The following NMT1 variants were observed in gnomAD, a reference collection of about 807,000 sequenced individuals.
NMT1 encodes the protein N-myristoyltransferase 1, also known as glycylpeptide N-tetradecanoyltransferase 1.
NMT1 carries 12 observed loss-of-function variants against 63.4 expected under a neutral mutation model. That is an observed-to-expected ratio of 0.19 (90% confidence interval 0.12 to 0.31). The LOEUF (loss-of-function observed/expected upper bound fraction) is 0.31, where lower values mean the gene tolerates loss of function less well. Ranked by LOEUF, NMT1 falls within the 10% of genes least tolerant of loss-of-function variation. The pLI is 1.00. For missense variants in NMT1, 432 were observed against 634.6 expected (o/e 0.68, Z 3.43); for synonymous variants, 228 against 234.3 (o/e 0.97, Z 0.25).
At chr17:45,066,220 AT>A (rs2053901886) in intron 1 of NMT1, among the ~76,000 whole-genome samples, 1 of 151,602 alleles carries the variant, frequency 6.6e-6, no homozygotes, top group Non-Finnish European at 1.5e-5. Context: ...CACCCGGCTA[AT>A]TTTTCATATT....
chr17:45,088,137 G>A (rs1328189590), intron 3 of NMT1, among the ~76,000 whole-genome samples: 3 of 152,208 alleles, frequency 2.0e-5, no homozygotes, highest in African/African-American at 7.2e-5. Flanking sequence ...GACAAGAGGG[G>A]TGCTGATTCC....
chr17:45,081,842 G>T, intron 2 of NMT1, 90 bp downstream of exon 2: 2 of 951,072 alleles, frequency 2.1e-6, no homozygotes. Flanking sequence ...TTGGATTGAC[G>T]TTCTCCACTG....
chr17:45,103,045 C>G lies in NMT1; in HGVS notation c.1088C>G (p.Thr363Arg). The change falls in exon 9 of 12, where the codon ACG becomes AGG. Residue 363 changes from threonine to arginine, a missense_variant. Thr to Arg is a moderately conservative substitution (Grantham distance 71). This residue lies in a region of NMT1 where 295 missense variants were observed against 489.7 expected (regional missense o/e 0.60). Transcript: ENST00000258960. The surrounding 1 kb of genome is among the most constrained non-coding windows in gnomAD (Gnocchi z 4.8). Reference sequence around the variant, plus strand: ...AGGTACTTGAAGCAATTTCACCTTACGCCCGTCATGAGCCAGGAGGAGGTG... The same window carrying G: ...AGGTACTTGAAGCAATTTCACCTTAGGCCCGTCATGAGCCAGGAGGAGGTG... Reference protein sequence around the residue: ...LTRYLKQFHLTPVMSQEEVEH... With the variant: ...LTRYLKQFHLRPVMSQEEVEH... 1 of 1,614,080 alleles carries G rather than the reference C, an allele frequency of 6.2e-7. No individual in the cohort carries two copies. Among genetic ancestry groups the G allele is most frequent in the Non-Finnish European group, 8.5e-7 (1 of 1,179,964 alleles).
rs550019625 is a variant in NMT1 at position 45,093,113 on chromosome 17, A to AT, written c.386-570dup. Among the ~76,000 whole-genome samples the AT allele has an allele frequency of 2.9e-3, 437 of 151,118 alleles. 1 individual carries two copies. The highest frequency in any genetic ancestry group is 9.7e-3 in the African/African-American group (397 of 41,118). On this transcript the variant is annotated intron_variant, in intron 3 of 11. Coordinates refer to ENST00000258960, the MANE Select transcript of NMT1 (RefSeq NM_021079.5). ...CCGGCAGCACTATGTAGACTTGGTG[A>AT]TTCAGCCCAAAGGCACTTGCAGGAC...
intron 1 of NMT1, chr17:45,061,996 G>A (rs1322688061): frequency 1.3e-5 from 2 of 152,380 alleles, no homozygotes; most frequent in African/African-American, 4.8e-5. Flanking sequence ...TTAACGGTAT[G>A]GTAATGCTTT....
intron 8 of NMT1, 107 bp downstream of exon 8, chr17:45,099,620 G>A (rs2054148459): frequency 2.6e-6 from 2 of 771,300 alleles, no homozygotes; most frequent in South Asian, 3.0e-5. Context: ...TTCTCCTACT[G>A]GAAAAGCGAA....
intron 3 of NMT1, among the ~76,000 whole-genome samples, chr17:45,089,122 G>A (rs1047356539): frequency 8.5e-5 from 13 of 152,342 alleles, no homozygotes; most frequent in Admixed American, 6.5e-4. Flanking sequence ...CTTGGCAGGC[G>A]TGTTAGCCTG....
intron 3 of NMT1, among the ~76,000 whole-genome samples, chr17:45,093,105 A>G (rs1051118499): frequency 2.0e-5 from 3 of 151,942 alleles, no homozygotes; most frequent in African/African-American, 7.3e-5. Flanking sequence ...CACTATGTAG[A>G]CTTGGTGATT....
chr17:45,105,506 A>G lies in NMT1; in HGVS notation c.1471-113A>G. The G allele has an allele frequency of 8.6e-7, 1 of 1,163,076 alleles. No homozygotes were observed. The highest frequency in any genetic ancestry group is 1.3e-6 in the Non-Finnish European group (1 of 780,080). 72.0% of individuals were successfully genotyped at this position (1,163,076 alleles called of 1,614,324 possible). A position where few individuals can be genotyped will look rare whatever the true frequency, so the allele number is the denominator to read the frequency against. On this transcript the variant is annotated intron_variant, in intron 11 of 11. Transcript: ENST00000258960. The surrounding 1 kb of genome is among the most constrained non-coding windows in gnomAD (Gnocchi z 4.2). The stretch of plus-strand genomic sequence containing the variant: ...CGGCTGGGTGTGAGTCTGCTCCCAC[A>G]GCACAGGCGGTGGACCCGGGCCCAG...
intron 1 of NMT1, among the ~76,000 whole-genome samples, chr17:45,077,310 A>C (rs1321712685): frequency 6.6e-6 from 1 of 152,302 alleles, no homozygotes; most frequent in Middle Eastern, 3.4e-3. Context: ...TTTGTTCCAT[A>C]AGCTGTTATG....
chr17:45,100,292 C>A (rs926942134), intron 8 of NMT1, among the ~76,000 whole-genome samples: 4 of 151,982 alleles, frequency 2.6e-5, no homozygotes, highest in Admixed American at 6.5e-5. Context: ...TGCTGCCAGG[C>A]GCAGTGGCTC....
At chr17:45,097,090 C>G in intron 5 of NMT1, 38 bp from the exon 6 acceptor site, 1 of 1,571,914 alleles carries the variant, frequency 6.4e-7, no homozygotes, top group South Asian at 1.1e-5. Context: ...TCCAGCCTGC[C>G]GGCAAGCAGC....
chr17:45,088,205 AGCCCTCC>A (rs2054066781), intron 3 of NMT1, among the ~76,000 whole-genome samples: 1 of 152,152 alleles, frequency 6.6e-6, no homozygotes, highest in Admixed American at 6.5e-5. Context: ...CCACTGGCTA[AGCCCTCC>A]AGCAAGGCTT....
chr17:45,068,923 T>C (rs535430703), intron 1 of NMT1, among the ~76,000 whole-genome samples: 2 of 151,844 alleles, frequency 1.3e-5, no homozygotes, highest in South Asian at 4.2e-4. Flanking sequence ...CTGGGATTAT[T>C]ACAGGCGTGA....
intron 1 of NMT1, among the ~76,000 whole-genome samples, chr17:45,079,537 CCT>C (rs1356161415): frequency 2.0e-5 from 3 of 152,114 alleles, no homozygotes; most frequent in Admixed American, 2.0e-4. Flanking sequence ...TAGGGAGACC[CCT>C]GTCTCTATTT....
At chr17:45,096,448 A>C (rs1288230666) in intron 5 of NMT1, among the ~76,000 whole-genome samples, 163 bp downstream of exon 5, 1 of 152,240 alleles carries the variant, frequency 6.6e-6, no homozygotes, top group Non-Finnish European at 1.5e-5. Context: ...TTTCATTAGC[A>C]CTTAGAATTG....
chr17:45,102,512 C>CT lies in NMT1; in HGVS notation c.994-438dup, dbSNP rs532260919. ...CCCTGGGGTCTGTCCGCGAAGTGCT[C>CT]TAAGTCTAGCAGAGAAAGAGCAGTG... On this transcript the variant is annotated intron_variant, in intron 8 of 11. Transcript: ENST00000258960. Among the ~76,000 whole-genome samples the CT allele has an allele frequency of 1.8e-3, 269 of 152,318 alleles. 1 individual carries two copies. The highest frequency in any genetic ancestry group is 6.4e-3 in the African/African-American group (266 of 41,568).
At chr17:45,081,363 A>T (rs990259840) in intron 1 of NMT1, among the ~76,000 whole-genome samples, 1 of 152,236 alleles carries the variant, frequency 6.6e-6, no homozygotes, top group Non-Finnish European at 1.5e-5. Flanking sequence ...CCCTGGCAAT[A>T]TAAAGAAAAT....
Position 45,103,229 on chromosome 17 carries a change from C to A in NMT1, c.1164+108C>A. ...GTGTTGGCACCTTAGACTTCCTTGA[C>A]CATCCGTGTTTGGTCCTCCCTAAAA... On this transcript the variant is annotated intron_variant, in intron 9 of 11. Transcript: ENST00000258960. The surrounding 1 kb of genome is among the most constrained non-coding windows in gnomAD (Gnocchi z 4.8). 1 of 1,082,506 alleles carries A rather than the reference C, an allele frequency of 9.2e-7. No homozygotes were observed. Among genetic ancestry groups the A allele is most frequent in the Non-Finnish European group, 1.4e-6 (1 of 737,928 alleles). 67.1% of individuals were successfully genotyped at this position (1,082,506 alleles called of 1,614,324 possible).
Sources: allele counts gnomAD v4.1 joint callset (sites outside exome capture counted in the v4.1 genomes callset), GRCh38; gene constraint gnomAD v4.1.1; regional missense constraint gnomAD v4.1.1; non-coding constraint Gnocchi (gnomAD v3.1); transcripts MANE v1.5; gene names NCBI Gene and HGNC (gene_info 2026-07-23, HGNC 2026-07-21).